The following QPCT variants were observed in gnomAD, a reference collection of about 807,000 sequenced individuals.
The protein encoded by QPCT is glutaminyl-peptide cyclotransferase, also known as EC.
QPCT carries 44 observed loss-of-function variants against 43.4 expected under a neutral mutation model. The ratio of observed to expected loss-of-function variants is 1.01; its 90% CI spans 0.80 to 1.30. QPCT has a LOEUF of 1.30. QPCT is among the 50% of genes most tolerant of loss of function. QPCT has a pLI of 0.00. For missense variants in QPCT, 526 were observed against 436.5 expected, an observed-to-expected ratio of 1.21 and a Z score of -1.83; for synonymous variants, 168 against 168.4, an observed-to-expected ratio of 1.00 and a Z score of 0.02.
chr2:37,353,933 C>T (rs1558602096), intron 2 of QPCT, among the ~76,000 whole-genome samples: 1 of 152,226 alleles, frequency 6.6e-6, no homozygotes, highest in Non-Finnish European at 1.5e-5. Flanking sequence ...GGCGCGATCT[C>T]GGTTCCCTGC....
chr2:37,349,735 C>T (rs756624805), intron 1 of QPCT, among the ~76,000 whole-genome samples: 1 of 152,174 alleles, frequency 6.6e-6, no homozygotes, highest in African/African-American at 2.4e-5. Flanking sequence ...AACATTGAAC[C>T]ACAGCACTTC....
intron 2 of QPCT, among the ~76,000 whole-genome samples, chr2:37,357,738 T>C (rs976436761): frequency 8.5e-5 from 13 of 152,188 alleles, no homozygotes; most frequent in Admixed American, 8.5e-4. Flanking sequence ...GTAGGATCAG[T>C]GTCCTCCCAC....
At chr2:37,351,372 A>G (rs1179740664) in intron 1 of QPCT, among the ~76,000 whole-genome samples, 1 of 152,246 alleles carries the variant, frequency 6.6e-6, no homozygotes, top group Non-Finnish European at 1.5e-5. Context: ...ATAAACATGT[A>G]ATGAATGAAT....
At chr2:37,368,639 C>T (rs549225448) in intron 4 of QPCT, 2 of 471,206 alleles carry the variant, frequency 4.2e-6, no homozygotes, top group African/African-American at 4.0e-5. Context: ...TTGGCAGCTC[C>T]TAATGGGCCA....
At chr2:37,355,771 TTA>T (rs1672729324) in intron 2 of QPCT, among the ~76,000 whole-genome samples, 1 of 152,056 alleles carries the variant, frequency 6.6e-6, no homozygotes, top group African/African-American at 2.4e-5. Context: ...AATAAAAAAA[TTA>T]AAAAATTAGG....
Position 37,367,284 on chromosome 2 carries a change from G to C in QPCT, c.599G>C (p.Gly200Ala), listed in dbSNP as rs769644231. Reference sequence around the variant, plus strand: ...TCACTCCAGCTGATCTTCTTTGATGGTGAAGAGGCTTTTCTTCACTGGTCT... The same window carrying C: ...TCACTCCAGCTGATCTTCTTTGATGCTGAAGAGGCTTTTCTTCACTGGTCT... ...DLSLQLIFFD[G>A]EEAFLHWSPQ... Residue 200 changes from glycine (G) to alanine (A), a missense_variant, in exon 4 of 7, where the codon GGT becomes GCT. Coordinates refer to ENST00000338415, the MANE Select transcript of QPCT (RefSeq NM_012413.4). 6.2e-7 allele frequency: 1 copy of C among 1,614,000 alleles called. No homozygotes were observed. The highest frequency in any genetic ancestry group is 1.1e-5 in the South Asian group (1 of 91,078).
rs201576426 is a variant in QPCT, at chr2:37,352,938, G to A, written c.267+3G>A. On this transcript the variant is annotated splice_donor_region_variant and intron_variant, in intron 2 of 6. Transcript: ENST00000338415. ...CTGGAAGCTATGCTGCTCGTCAGGT[G>A]AGAACATGGGACACAAACCTCAAGC... 1.1e-5 allele frequency: 18 copies of A among 1,610,048 alleles called. No homozygotes were observed. The highest frequency in any genetic ancestry group is 1.5e-5 in the Non-Finnish European group (18 of 1,176,914).
At chr2:37,357,329 T>A (rs1001873691) in intron 2 of QPCT, among the ~76,000 whole-genome samples, 46 of 151,894 alleles carry the variant, frequency 3.0e-4, no homozygotes, top group African/African-American at 1.1e-3. Context: ...TTTTTTTTTT[T>A]ACAGTCTAGG....
At chr2:37,370,462 A>G (rs1673051688) in intron 5 of QPCT, among the ~76,000 whole-genome samples, 2 of 152,222 alleles carry the variant, frequency 1.3e-5, no homozygotes, top group Admixed American at 1.3e-4. Context: ...AAGTTTACTC[A>G]ACAAAGCATG....
chr2:37,370,923 GA>G (rs1673060154), intron 5 of QPCT, among the ~76,000 whole-genome samples: 1 of 152,188 alleles, frequency 6.6e-6, no homozygotes, highest in South Asian at 2.1e-4. Context: ...TTGAAGGCAA[GA>G]ATTTCATGCT....
At chr2:37,358,226 A>T (rs1429858296) in intron 2 of QPCT, among the ~76,000 whole-genome samples, 1 of 152,092 alleles carries the variant, frequency 6.6e-6, no homozygotes, top group Non-Finnish European at 1.5e-5. Flanking sequence ...CAGCCCCGGC[A>T]ATATGGCAAA....
chr2:37,364,426 G>A (rs1412477895), intron 3 of QPCT, among the ~76,000 whole-genome samples: 1 of 152,210 alleles, frequency 6.6e-6, no homozygotes, highest in Non-Finnish European at 1.5e-5. Context: ...CTCCGGAAGG[G>A]CCCATTCTTA....
Position 37,372,452 on chromosome 2 carries a change from A to G in QPCT, c.920A>G (p.His307Arg), listed in dbSNP as rs755896115. The G allele has an allele frequency of 1.4e-5, 22 of 1,613,314 alleles. No individual in the cohort carries two copies. The highest frequency in any genetic ancestry group is 1.7e-5 in the Non-Finnish European group (20 of 1,179,330). ...YSYGGVIQDD[H>R]IPFLRRGVPV... is the part of the protein sequence containing the mutation. Reference sequence around the variant, plus strand: ...TATGGAGGTGTGATTCAGGATGACCATATTCCATTTTTAAGAAGAGGTAAT... The same window carrying G: ...TATGGAGGTGTGATTCAGGATGACCGTATTCCATTTTTAAGAAGAGGTAAT... Residue 307 changes from histidine to arginine, a missense_variant, in exon 6 of 7, where the codon CAT (histidine) becomes CGT (arginine). Transcript: ENST00000338415.
intron 1 of QPCT, among the ~76,000 whole-genome samples, chr2:37,345,067 G>C (rs548609070): frequency 7.9e-5 from 12 of 152,304 alleles, no homozygotes; most frequent in Non-Finnish European, 1.8e-4. Flanking sequence ...GAGACGCCAG[G>C]GGGGCTGGGT....
In QPCT at chr2:37,344,651, G is replaced by A. The variant is rs953417053; in HGVS notation, c.-81G>A. 13 of 1,518,400 alleles carry A rather than the reference G, an allele frequency of 8.6e-6. No homozygotes were observed. The highest frequency in any genetic ancestry group is 8.8e-6 in the Non-Finnish European group (10 of 1,133,862). 94.1% of individuals were successfully genotyped at this position (1,518,400 alleles called of 1,614,324 possible). A position where few individuals can be genotyped will look rare whatever the true frequency, so the allele number is the denominator to read the frequency against. Reference sequence around the variant, plus strand: ...GCGCAGTCGACCCAAGGGTGGAGAAGAGGGAAGGCGAAGGACGCGCGTTCC... The same window carrying A: ...GCGCAGTCGACCCAAGGGTGGAGAAAAGGGAAGGCGAAGGACGCGCGTTCC... On this transcript the variant is annotated 5_prime_UTR_variant, in exon 1 of 7. Coordinates refer to ENST00000338415, the MANE Select transcript of QPCT (RefSeq NM_012413.4).
intron 2 of QPCT, among the ~76,000 whole-genome samples, chr2:37,356,891 A>T (rs1412172388): frequency 2.0e-5 from 3 of 152,006 alleles, no homozygotes; most frequent in Non-Finnish European, 2.9e-5. Flanking sequence ...CTGTGGTCCC[A>T]GCTTTTCGGG....
rs995657412 is a variant in QPCT at position 37,369,904 on chromosome 2, C to G, written c.823+120C>G. On this transcript the variant is annotated intron_variant, in intron 5 of 6. Coordinates refer to ENST00000338415, the MANE Select transcript of QPCT (RefSeq NM_012413.4). ...CAGTGGCTCACACCTGTAATCCTAG[C>G]ACTTTGGGAGGCCAAGGCAGGCAGA... 4.4e-6 allele frequency: 4 copies of G among 918,626 alleles called. No homozygotes were observed. The African/African-American group carries it at 6.6e-5, about 15-fold the overall frequency. 56.9% of individuals were successfully genotyped at this position (918,626 alleles called of 1,614,324 possible).
In QPCT at chr2:37,344,832, C is replaced by T. The variant is rs897828054; in HGVS notation, c.101C>T (p.Ser34Leu). Residue 34 changes from serine to leucine, a missense_variant, in exon 1 of 7, where the codon TCA becomes TTA. Transcript: ENST00000338415. The stretch of plus-strand genomic sequence containing the variant: ...TCCAGGGGGGTCAGTCCGAGTGCCT[C>T]AGCCTGGCCAGAGGAGAAGGTGAGG... ...WASRGVSPSA[S>L]AWPEEKNYHQ... 7 of 1,601,200 alleles carry T rather than the reference C, an allele frequency of 4.4e-6. No homozygotes were observed. The African/African-American group carries it at 9.4e-5, about 22-fold the overall frequency.
chr2:37,363,259 C>A (rs568287476), intron 3 of QPCT, among the ~76,000 whole-genome samples: 1 of 152,116 alleles, frequency 6.6e-6, no homozygotes, highest in South Asian at 2.1e-4. Flanking sequence ...CTCCAACCAG[C>A]ATTTTAATAT....
Sources: allele counts gnomAD v4.1 joint callset (sites outside exome capture counted in the v4.1 genomes callset), GRCh38; gene constraint gnomAD v4.1.1; transcripts MANE v1.5; gene names NCBI Gene and HGNC (gene_info 2026-07-23, HGNC 2026-07-21).